GSG1L: variants seen among roughly 807,000 people sequenced by gnomAD.
GSG1L encodes the protein germ cell-specific gene 1-like protein.
In GSG1L, 24 loss-of-function variants were observed where a neutral mutation model predicts 42.1. That is an observed-to-expected ratio of 0.57 (90% CI 0.41 to 0.80). The LOEUF (loss-of-function observed/expected upper bound fraction) is 0.80. Ranked by LOEUF, GSG1L falls within the 30% of genes least tolerant of loss-of-function variation. GSG1L has a pLI of 0.00. For synonymous variants in GSG1L, 215 were observed against 203.5 expected (o/e 1.06, Z -0.48); for missense variants, 445 against 472.2 (o/e 0.94, Z 0.53).
chr16:27,841,534 C>T (rs970482922), intron 4 of GSG1L, among the ~76,000 whole-genome samples: 7 of 152,124 alleles, frequency 4.6e-5, no homozygotes, highest in Admixed American at 6.5e-5. Flanking sequence ...TCTCCAGTAC[C>T]GGGGGAGGGA....
intron 3 of GSG1L, among the ~76,000 whole-genome samples, chr16:27,851,171 G>A (rs541301949): frequency 1.9e-4 from 29 of 152,246 alleles, no homozygotes; most frequent in East Asian, 1.7e-3. Flanking sequence ...GGAAGACAGC[G>A]TCTGAGCGAG....
chr16:27,935,120 C>T (rs921578059), intron 2 of GSG1L, among the ~76,000 whole-genome samples: 17 of 152,120 alleles, frequency 1.1e-4, no homozygotes, highest in African/African-American at 1.9e-4. Context: ...TTCTCCAAGG[C>T]GAGGACATTG....
intron 1 of GSG1L, among the ~76,000 whole-genome samples, chr16:27,982,579 T>C (rs2085337577): frequency 6.6e-6 from 1 of 152,212 alleles, no homozygotes; most frequent in Non-Finnish European, 1.5e-5. Flanking sequence ...TTAGTCTATT[T>C]TGCGTTGCTA....
chr16:27,960,900 C>T (rs564126785), intron 2 of GSG1L, among the ~76,000 whole-genome samples: 88 of 152,000 alleles, frequency 5.8e-4, no homozygotes, highest in Non-Finnish European at 4.7e-4. Context: ...CTGCCAAGCC[C>T]TAAAAGTAAA....
At chr16:27,801,236 G>C (rs2082878211) in intron 6 of GSG1L, among the ~76,000 whole-genome samples, 1 of 152,216 alleles carries the variant, frequency 6.6e-6, no homozygotes, top group African/African-American at 2.4e-5. Context: ...CTCTCTCCCA[G>C]GGTAAGGAGC....
intron 3 of GSG1L, among the ~76,000 whole-genome samples, chr16:27,857,305 G>A (rs2083591207): frequency 6.6e-6 from 1 of 151,782 alleles, no homozygotes; most frequent in African/African-American, 2.4e-5. Context: ...GTGGGCACCT[G>A]TAGCCCCAGC....
intron 2 of GSG1L, among the ~76,000 whole-genome samples, chr16:27,894,808 T>C (rs189184763): frequency 1.3e-3 from 194 of 152,306 alleles, no homozygotes; most frequent in Admixed American, 2.8e-3. Flanking sequence ...GACTTTCCCA[T>C]GTCACAGAGT....
chr16:27,947,422 AAGAAAG>A (rs936109166), intron 2 of GSG1L, among the ~76,000 whole-genome samples: 25 of 140,694 alleles, frequency 1.8e-4, no homozygotes, highest in Admixed American at 6.4e-4. Context: ...GAAAGAAAGA[AAGAAAG>A]AGAAGGAAGG....
intron 2 of GSG1L, among the ~76,000 whole-genome samples, chr16:27,891,439 G>A (rs958062701): frequency 2.7e-5 from 4 of 145,652 alleles, no homozygotes; most frequent in African/African-American, 1.1e-4. Context: ...TAGCCATACT[G>A]TGTAACTTTT....
chr16:27,888,473 TCTCTCTTTCCTTTC>T (rs2084067110), intron 2 of GSG1L, among the ~76,000 whole-genome samples: 1 of 75,388 alleles, frequency 1.3e-5, no homozygotes, highest in Non-Finnish European at 3.0e-5. Context: ...TCTCTCTCTC[TCTCTCTTTCCTTTC>T]TTTCTTTCTT....
At chr16:28,008,795 C>T (rs1444336192) in intron 1 of GSG1L, among the ~76,000 whole-genome samples, 4 of 152,104 alleles carry the variant, frequency 2.6e-5, no homozygotes, top group African/African-American at 9.7e-5. Context: ...AAGTGGGGTG[C>T]AGTTGTCAGA....
chr16:27,794,441 C>T (rs2082794635), intron 6 of GSG1L, among the ~76,000 whole-genome samples: 1 of 152,100 alleles, frequency 6.6e-6, no homozygotes, highest in South Asian at 2.1e-4. Context: ...CGCCATTCTC[C>T]TGCCTCAGCC....
chr16:27,872,864 C>T (rs1160186325), intron 3 of GSG1L, among the ~76,000 whole-genome samples: 7 of 152,148 alleles, frequency 4.6e-5, no homozygotes, highest in Admixed American at 3.3e-4. Context: ...CACCCCTTTC[C>T]CAGAAAACTC....
intron 2 of GSG1L, among the ~76,000 whole-genome samples, chr16:27,901,179 T>C (rs78313369): frequency 0.012 from 1,799 of 152,332 alleles, 37 homozygotes; most frequent in African/African-American, 0.039. Flanking sequence ...TACTTCTTGA[T>C]TGACACAGGA....
At chr16:27,984,171 T>C (rs1224180083) in intron 1 of GSG1L, among the ~76,000 whole-genome samples, 1 of 152,136 alleles carries the variant, frequency 6.6e-6, no homozygotes, top group African/African-American at 2.4e-5. Flanking sequence ...CCACTTCTGT[T>C]TGTAAGCCCT....
At chr16:28,053,575 T>C (rs2086243232) in intron 1 of GSG1L, among the ~76,000 whole-genome samples, 1 of 152,168 alleles carries the variant, frequency 6.6e-6, no homozygotes, top group African/African-American at 2.4e-5. Context: ...TCACTTCCCC[T>C]GTAGGGGCCT....
intron 1 of GSG1L, among the ~76,000 whole-genome samples, chr16:28,036,098 G>T (rs537550544): frequency 6.6e-6 from 1 of 152,144 alleles, no homozygotes; most frequent in African/African-American, 2.4e-5. Context: ...CAAATCATCC[G>T]TGGGATGACA....
chr16:27,823,940 A>C (rs1383493347), intron 5 of GSG1L: 1 of 702,734 alleles, frequency 1.4e-6, no homozygotes, highest in Admixed American at 2.0e-5. Flanking sequence ...TGACAATAAC[A>C]CTTACACATA....
intron 3 of GSG1L, 112 bp from the exon 4 acceptor site, chr16:27,845,173 G>T: frequency 1.5e-6 from 1 of 672,976 alleles, no homozygotes; most frequent in Non-Finnish European, 2.6e-6. Context: ...TCACTGTGGA[G>T]AACAGGGACC....
Sources: gnomAD v4.1 joint callset for allele counts (sites outside exome capture counted in the v4.1 genomes callset) on GRCh38, gnomAD v4.1.1 for gene constraint, MANE v1.5 for transcripts, NCBI Gene and HGNC (gene_info 2026-07-23, HGNC 2026-07-21) for gene names.